VRK2: variants seen among roughly 807,000 people sequenced by gnomAD.
The protein encoded by VRK2 is serine/threonine-protein kinase VRK2.
A neutral mutation model predicts 57.6 loss-of-function variants in VRK2; 60 were observed. The ratio of observed to expected loss-of-function variants is 1.04; its 90% CI spans 0.85 to 1.29. The LOEUF (loss-of-function observed/expected upper bound fraction) is 1.29. Among genes scored for constraint, VRK2 ranks in the 50% most tolerant of loss-of-function variants. The pLI is 0.00. For missense variants in VRK2, 705 were observed against 588.1 expected (o/e 1.20, Z -2.06); for synonymous variants, 231 against 199.2 (o/e 1.16, Z -1.35).
At position 57,955,090 on chromosome 2, in the gene VRK2, C is replaced by A. The variant is rs572063763; in HGVS notation, c.-439+47251C>A. On this transcript the variant is annotated intron_variant, in intron 1 of 15. Coordinates refer to the VRK2 transcript ENST00000417641. Reference sequence around the variant, plus strand: ...AGAATTGGTGAAGAACATCTTATGGCCTAGAATAGGATAGAAGATATGAGG... The same window carrying A: ...AGAATTGGTGAAGAACATCTTATGGACTAGAATAGGATAGAAGATATGAGG... Among the ~76,000 whole-genome samples, 4 of 152,068 alleles carry A rather than the reference C, an allele frequency of 2.6e-5. 1 individual carries two copies. In the Middle Eastern group the frequency reaches 0.014, roughly 517 times the overall value.
chr2:58,141,441 A>G (rs1056588115), intron 11 of VRK2, among the ~76,000 whole-genome samples: 1 of 151,950 alleles, frequency 6.6e-6, no homozygotes, highest in African/African-American at 2.4e-5. Flanking sequence ...CACTTTTTCC[A>G]ATGAGCCTCC....
At chr2:58,088,891 T>A (rs917301414) in intron 6 of VRK2, among the ~76,000 whole-genome samples, 3 of 152,216 alleles carry the variant, frequency 2.0e-5, no homozygotes, top group African/African-American at 7.2e-5. Context: ...AAAATATACT[T>A]TGCCAAAGCA....
intron 6 of VRK2, among the ~76,000 whole-genome samples, chr2:58,088,822 G>A (rs965519275): frequency 2.1e-4 from 32 of 152,166 alleles, no homozygotes; most frequent in African/African-American, 7.5e-4. Flanking sequence ...GTAGGGGGGT[G>A]CTATGAAGTT....
intron 10 of VRK2, 116 bp downstream of exon 10, chr2:58,135,315 G>A: frequency 9.8e-7 from 1 of 1,017,452 alleles, no homozygotes; most frequent in Non-Finnish European, 1.5e-6. Flanking sequence ...AGGGTGGGAA[G>A]GAGGGAACTC....
At chr2:58,138,276 T>G (rs559138881) in intron 10 of VRK2, among the ~76,000 whole-genome samples, 1 of 152,296 alleles carries the variant, frequency 6.6e-6, no homozygotes, top group African/African-American at 2.4e-5. Context: ...CCCGAGCCCT[T>G]GTGAAGGGGC....
At chr2:57,917,330 C>A (rs912694052) in intron 1 of VRK2, among the ~76,000 whole-genome samples, 1 of 151,636 alleles carries the variant, frequency 6.6e-6, no homozygotes, top group Non-Finnish European at 1.5e-5. Flanking sequence ...ATAATGGGTG[C>A]TTGTGGTATA....
intron 3 of VRK2, among the ~76,000 whole-genome samples, chr2:58,035,050 A>G (rs1674232828): frequency 6.6e-6 from 1 of 151,998 alleles, no homozygotes; most frequent in Non-Finnish European, 1.5e-5. Context: ...ATTGGTTAGT[A>G]TGTTCTCTAC....
intron 4 of VRK2, among the ~76,000 whole-genome samples, chr2:58,085,719 G>T (rs1415168348): frequency 6.6e-6 from 1 of 151,656 alleles, no homozygotes; most frequent in African/African-American, 2.4e-5. Context: ...CTTAAACTAT[G>T]TCACAGTGAC....
rs1682123798 is a variant in VRK2 at position 58,146,356 on chromosome 2, C to T, written c.1064C>T (p.Ala355Val). 1.9e-6 allele frequency: 3 copies of T among 1,611,062 alleles called. No individual in the cohort carries two copies. Among genetic ancestry groups the T allele is most frequent in the Non-Finnish European group, 2.5e-6 (3 of 1,178,054 alleles). ...QKAATKQVNK[A>V]HNRLIEKKVH... is the part of the protein sequence containing the mutation. Reference sequence around the variant, plus strand: ...GCTGCAACAAAGCAAGTCAACAAGGCACACAATAGGTTAATCGAAAAAAAA... The same window carrying T: ...GCTGCAACAAAGCAAGTCAACAAGGTACACAATAGGTTAATCGAAAAAAAA... Residue 355 changes from alanine (A) to valine (V), a missense_variant, in exon 12 of 13, where the codon GCA becomes GTA. By Grantham distance (64) the Ala-to-Val change is moderately conservative (BLOSUM62 0). Coordinates refer to ENST00000340157, the MANE Select transcript of VRK2 (RefSeq NM_006296.7).
rs760164463 is a variant in VRK2, at chr2:58,084,072, G to T, written c.137-17G>T. 3.1e-6 allele frequency: 5 copies of T among 1,600,794 alleles called. 1 individual carries two copies. The South Asian group carries it at 5.6e-5, about 18-fold the overall frequency. On this transcript the variant is annotated splice_polypyrimidine_tract_variant and intron_variant, in intron 2 of 12. Transcript: ENST00000340157. ...GAATAACTATTTTTCTCCATTGTGTGTTTTTTTTGTCTGCAGCTTTCCCCA... is the reference window on the plus strand; with the variant it reads ...GAATAACTATTTTTCTCCATTGTGTTTTTTTTTTGTCTGCAGCTTTCCCCA...
At chr2:58,057,843 CA>C (rs1292584037) in intron 2 of VRK2, among the ~76,000 whole-genome samples, 3 of 151,834 alleles carry the variant, frequency 2.0e-5, no homozygotes, top group Non-Finnish European at 4.4e-5. Flanking sequence ...GTTTAATGTA[CA>C]TTTTTTTTTT....
chr2:58,072,787 G>A (rs917411028), intron 2 of VRK2, among the ~76,000 whole-genome samples: 1 of 151,730 alleles, frequency 6.6e-6, no homozygotes, highest in African/African-American at 2.4e-5. Flanking sequence ...TTAGTTGAAT[G>A]TTCCTTTGCT....
At chr2:58,084,976 A>T (rs748550240) in intron 4 of VRK2, 26 bp downstream of exon 4, 3 of 1,554,552 alleles carry the variant, frequency 1.9e-6, no homozygotes, top group Non-Finnish European at 2.6e-6. Context: ...AAAGCAAGCT[A>T]CTTCCATATA....
At chr2:57,942,872 C>T (rs186290451) in intron 1 of VRK2, among the ~76,000 whole-genome samples, 4 of 152,276 alleles carry the variant, frequency 2.6e-5, no homozygotes, top group Admixed American at 1.3e-4. Context: ...GCATATATCT[C>T]TTGTAGATCC....
At chr2:57,977,828 C>T (rs751219400) in intron 1 of VRK2, among the ~76,000 whole-genome samples, 5 of 151,078 alleles carry the variant, frequency 3.3e-5, no homozygotes, top group South Asian at 2.1e-4. Context: ...AGCTTCTGCT[C>T]GTTCAGTATG....
intron 11 of VRK2, among the ~76,000 whole-genome samples, chr2:58,142,100 A>G (rs532099503): frequency 6.6e-6 from 1 of 151,964 alleles, no homozygotes; most frequent in Non-Finnish European, 1.5e-5. Flanking sequence ...TGGACCAGAA[A>G]AGGTATACAT....
At chr2:58,103,223 A>T (rs1219591452) in intron 7 of VRK2, among the ~76,000 whole-genome samples, 1 of 151,612 alleles carries the variant, frequency 6.6e-6, no homozygotes, top group African/African-American at 2.4e-5. Context: ...AATAAATAGC[A>T]AAGATCAGAG....
intron 1 of VRK2, among the ~76,000 whole-genome samples, chr2:57,942,651 C>T (rs2103959459): frequency 6.6e-6 from 1 of 152,154 alleles, no homozygotes; most frequent in Middle Eastern, 3.4e-3. Context: ...TTGGTTTTAA[C>T]TACTGTACCT....
At chr2:58,022,724 A>C (rs978507364) in intron 1 of VRK2, among the ~76,000 whole-genome samples, 13 of 152,230 alleles carry the variant, frequency 8.5e-5, no homozygotes, top group Admixed American at 2.0e-4. Flanking sequence ...AAAATACAAA[A>C]ATTAGCTAAG....
Sources: allele counts gnomAD v4.1 joint callset (sites outside exome capture counted in the v4.1 genomes callset), GRCh38; gene constraint gnomAD v4.1.1; transcripts MANE v1.5; gene names NCBI Gene and HGNC (gene_info 2026-07-23, HGNC 2026-07-21).